Variants in ASIC2 observed in about 807,000 individuals in gnomAD.
ASIC2 encodes acid sensing ion channel subunit 2.
A neutral mutation model predicts 57.3 loss-of-function variants in ASIC2; 25 were observed. That is an observed-to-expected ratio of 0.44 (90% CI 0.32 to 0.61). ASIC2 has a LOEUF of 0.61. ASIC2 is among the 20% of genes least tolerant of loss of function. The probability of loss-of-function intolerance (pLI) is 0.06; values close to 1 mark genes in which losing one functional copy is unlikely to be tolerated. For synonymous variants in ASIC2, 319 were observed against 307.5 expected (o/e 1.04, Z -0.39); for missense variants, 641 against 738.1 (o/e 0.87, Z 1.52).
chr17:34,006,590 T>C (rs1214813051), intron 1 of ASIC2: 1 of 152,120 alleles, frequency 6.6e-6, no homozygotes, highest in Non-Finnish European at 1.5e-5. Flanking sequence ...TTTCTTAAGG[T>C]ATTTTCACTT....
At chr17:33,091,604 CCTCT>C (rs1302247085) in intron 2 of ASIC2, among the ~76,000 whole-genome samples, 2 of 152,194 alleles carry the variant, frequency 1.3e-5, no homozygotes, top group African/African-American at 2.4e-5. Flanking sequence ...GCCTGGTGTG[CCTCT>C]CTTAGTGAGA....
chr17:33,641,872 T>A (rs1315228023), intron 1 of ASIC2, among the ~76,000 whole-genome samples: 1 of 152,212 alleles, frequency 6.6e-6, no homozygotes, highest in African/African-American at 2.4e-5. Flanking sequence ...ATCTGCATAA[T>A]GGGCATATTA....
chr17:33,438,301 T>G (rs1911700011), intron 1 of ASIC2, among the ~76,000 whole-genome samples: 1 of 152,192 alleles, frequency 6.6e-6, no homozygotes, highest in Admixed American at 6.5e-5. Context: ...CTTCACAGGA[T>G]GGAGGGAAGT....
intron 1 of ASIC2, among the ~76,000 whole-genome samples, chr17:33,566,899 ATATC>A (rs1916251111): frequency 6.6e-6 from 1 of 151,866 alleles, no homozygotes. Context: ...ACATCCTTCC[ATATC>A]TTCCTGCCTT....
chr17:33,567,892 C>T (rs902730066), intron 1 of ASIC2, among the ~76,000 whole-genome samples: 12 of 152,124 alleles, frequency 7.9e-5, no homozygotes, highest in East Asian at 5.8e-4. Context: ...CTCTACATAG[C>T]GCAAGTCTTC....
intron 1 of ASIC2, among the ~76,000 whole-genome samples, chr17:33,352,261 C>T (rs1908214616): frequency 6.6e-6 from 1 of 152,160 alleles, no homozygotes; most frequent in South Asian, 2.1e-4. Context: ...CTGCATCCCA[C>T]TCCTTCCAGG....
intron 1 of ASIC2, among the ~76,000 whole-genome samples, chr17:33,125,894 C>A (rs1467265244): frequency 2.6e-5 from 4 of 152,164 alleles, no homozygotes; most frequent in African/African-American, 2.4e-5. Context: ...TGGAACAGGA[C>A]CAGGACTAGG....
intron 1 of ASIC2, among the ~76,000 whole-genome samples, chr17:33,217,182 C>T (rs537147530): frequency 6.6e-6 from 1 of 152,204 alleles, no homozygotes; most frequent in African/African-American, 2.4e-5. Context: ...CAGCAAAAGG[C>T]CCTGTTTCCT....
At chr17:33,984,656 C>A (rs369305341) in intron 1 of ASIC2, among the ~76,000 whole-genome samples, 6 of 152,182 alleles carry the variant, frequency 3.9e-5, no homozygotes, top group African/African-American at 1.4e-4. Context: ...AGTGCCTTTG[C>A]ACTGCATGAG....
chr17:33,615,861 A>C (rs1170878750), intron 1 of ASIC2, among the ~76,000 whole-genome samples: 1 of 152,216 alleles, frequency 6.6e-6, no homozygotes, highest in Non-Finnish European at 1.5e-5. Flanking sequence ...CACATCCCCC[A>C]TCCTCTTATG....
Position 33,889,758 on chromosome 17 carries a change from C to G in ASIC2, c.555+266220G>C, listed in dbSNP as rs372911918. Among the ~76,000 whole-genome samples the G allele has an allele frequency of 9.9e-5, 15 of 152,232 alleles. No individual in the cohort carries two copies. In the East Asian group the frequency reaches 2.5e-3, roughly 26 times the overall value. On this transcript the variant is annotated intron_variant, in intron 1 of 9. Coordinates refer to the ASIC2 transcript ENST00000359872. ...TCACTCCAGTGCAGATGCAAAGAGG[C>G]GGGAGAGTTAGCTAGGCTGAACCTG...
intron 1 of ASIC2, among the ~76,000 whole-genome samples, chr17:34,025,427 A>G (rs1357599540): frequency 6.6e-6 from 1 of 152,140 alleles, no homozygotes; most frequent in African/African-American, 2.4e-5. Context: ...CACACTTGTT[A>G]CCCTGAGTGA....
chr17:34,081,668 C>T (rs1451889382), intron 1 of ASIC2, among the ~76,000 whole-genome samples: 2 of 152,210 alleles, frequency 1.3e-5, no homozygotes, highest in Non-Finnish European at 2.9e-5. Context: ...CACAGAATTT[C>T]ACAAATTATA....
At chr17:34,012,856 T>C (rs773614264) in intron 1 of ASIC2, among the ~76,000 whole-genome samples, 4 of 152,206 alleles carry the variant, frequency 2.6e-5, no homozygotes. Context: ...GCCCTGCTTT[T>C]TTCCTGGGAA....
At chr17:33,968,592 T>G (rs1251347629) in intron 1 of ASIC2, among the ~76,000 whole-genome samples, 1 of 152,126 alleles carries the variant, frequency 6.6e-6, no homozygotes, top group African/African-American at 2.4e-5. Flanking sequence ...ATATTTAGCC[T>G]GAAATACCTC....
chr17:33,751,513 AT>A (rs1270764195), intron 1 of ASIC2, among the ~76,000 whole-genome samples: 1 of 151,478 alleles, frequency 6.6e-6, no homozygotes, highest in Non-Finnish European at 1.5e-5. Flanking sequence ...TGAGACAGTA[AT>A]TTTTTCAAGG....
intron 1 of ASIC2, among the ~76,000 whole-genome samples, chr17:33,927,380 G>A (rs559717567): frequency 6.2e-4 from 94 of 152,288 alleles, no homozygotes; most frequent in African/African-American, 2.1e-3. Context: ...AGCTGGGTGT[G>A]AGCTTTGGGA....
At chr17:33,968,179 C>T (rs1905126830) in intron 1 of ASIC2, among the ~76,000 whole-genome samples, 3 of 152,194 alleles carry the variant, frequency 2.0e-5, no homozygotes, top group Non-Finnish European at 4.4e-5. Context: ...GTGGCATTTC[C>T]TGTCCTTGAG....
Position 33,014,068 on chromosome 17 carries a change from T to C in ASIC2, c.1591-2A>G. On this transcript the variant is annotated splice_acceptor_variant, in intron 9 of 9. Transcript: ENST00000225823. LOFTEE classifies it high-confidence loss of function. ...GTTTGGCATTGTGTCACAAGTACTC[T>C]GGAAGGGAAGGGTTGGTGGGAGTTT... 1 of 1,590,668 alleles carries C rather than the reference T, an allele frequency of 6.3e-7. No homozygotes were observed. The highest frequency in any genetic ancestry group is 8.6e-7 in the Non-Finnish European group (1 of 1,166,882).
Sources: gnomAD v4.1 joint callset for allele counts (sites outside exome capture counted in the v4.1 genomes callset) on GRCh38, gnomAD v4.1.1 for gene constraint, MANE v1.5 for transcripts, NCBI Gene and HGNC (gene_info 2026-07-23, HGNC 2026-07-21) for gene names.